ACSBG1: variants seen among roughly 807,000 people sequenced by gnomAD.
ACSBG1 encodes acyl-CoA synthetase bubblegum family member 1.
ACSBG1 carries 39 observed loss-of-function variants against 80.2 expected under a neutral mutation model. That is an observed-to-expected ratio of 0.49 (90% confidence interval 0.38 to 0.64). The LOEUF (loss-of-function observed/expected upper bound fraction) is 0.64, where lower values mean the gene tolerates loss of function less well. ACSBG1 is among the 30% of genes least tolerant of loss of function. The pLI, the probability that ACSBG1 is intolerant of heterozygous loss-of-function variation, is 0.00. For synonymous variants in ACSBG1, 392 were observed against 379.5 expected, an observed-to-expected ratio of 1.03 and a Z score of -0.38; for missense variants, 828 against 966.4, an observed-to-expected ratio of 0.86 and a Z score of 1.90.
intron 1 of ACSBG1, among the ~76,000 whole-genome samples, chr15:78,211,664 G>T (rs1442980286): frequency 1.3e-5 from 2 of 152,168 alleles, no homozygotes; most frequent in African/African-American, 2.4e-5. Flanking sequence ...AAGATGTGTG[G>T]GGGGCAGAGG....
intron 5 of ACSBG1, among the ~76,000 whole-genome samples, chr15:78,185,074 AG>A (rs2074987683): frequency 6.7e-6 from 1 of 148,430 alleles, no homozygotes; most frequent in African/African-American, 2.5e-5. Flanking sequence ...AGAGAGAGAG[AG>A]AGAGAGGAAT....
At chr15:78,186,922 G>T (rs1055720431) in intron 5 of ACSBG1, among the ~76,000 whole-genome samples, 1 of 151,954 alleles carries the variant, frequency 6.6e-6, no homozygotes, top group Non-Finnish European at 1.5e-5. Context: ...TTGATAGACC[G>T]CTAGCAAGAC....
intron 2 of ACSBG1, among the ~76,000 whole-genome samples, chr15:78,201,058 T>C (rs950448526): frequency 1.3e-5 from 2 of 152,166 alleles, no homozygotes; most frequent in African/African-American, 4.8e-5. Context: ...GCCCACACTT[T>C]ACCGCTCTTC....
intron 3 of ACSBG1, 97 bp from the exon 4 acceptor site, chr15:78,194,117 G>T: frequency 1.7e-6 from 2 of 1,204,646 alleles, no homozygotes; most frequent in Non-Finnish European, 2.4e-6. Flanking sequence ...GGGACCTGCA[G>T]GCTCCACCCT....
intron 5 of ACSBG1, 133 bp downstream of exon 5, chr15:78,193,373 G>T: frequency 7.6e-7 from 1 of 1,311,904 alleles, no homozygotes; most frequent in Non-Finnish European, 1.0e-6. Flanking sequence ...TGCTTGCTGT[G>T]TATGCATTAG....
intron 1 of ACSBG1, chr15:78,209,165 C>T (rs1365502406): frequency 6.6e-6 from 3 of 456,110 alleles, no homozygotes; most frequent in Admixed American, 2.3e-5. Context: ...CATTCAGCCT[C>T]ACTCCTTGTC....
At chr15:78,185,148 G>A (rs964612536) in intron 5 of ACSBG1, among the ~76,000 whole-genome samples, 8 of 152,154 alleles carry the variant, frequency 5.3e-5, no homozygotes, top group African/African-American at 1.7e-4. Flanking sequence ...AAGCTGAGGC[G>A]GCTAGAATTT....
At chr15:78,219,710 C>T (rs538485996) in intron 1 of ACSBG1, among the ~76,000 whole-genome samples, 43 of 152,258 alleles carry the variant, frequency 2.8e-4, no homozygotes, top group Non-Finnish European at 1.0e-4. Context: ...CCTGGCCGGG[C>T]GCGGTGGCTA....
intron 5 of ACSBG1, among the ~76,000 whole-genome samples, chr15:78,189,423 A>C (rs2141341962): frequency 6.6e-6 from 1 of 151,852 alleles, no homozygotes; most frequent in African/African-American, 2.4e-5. Context: ...AACCAACCCA[A>C]ATGTCCAACA....
chr15:78,189,295 A>G (rs1159794572), intron 5 of ACSBG1, among the ~76,000 whole-genome samples: 1 of 150,914 alleles, frequency 6.6e-6, no homozygotes, highest in Non-Finnish European at 1.5e-5. Flanking sequence ...TAGAAATACC[A>G]TTTGACCCAG....
intron 5 of ACSBG1, among the ~76,000 whole-genome samples, chr15:78,184,636 T>C (rs1384815729): frequency 1.3e-5 from 2 of 152,166 alleles, no homozygotes; most frequent in Admixed American, 6.5e-5. Flanking sequence ...ATATAACATT[T>C]GAAAAGTTAT....
intron 2 of ACSBG1, among the ~76,000 whole-genome samples, chr15:78,200,522 A>T (rs2075157709): frequency 6.6e-6 from 1 of 152,126 alleles, no homozygotes; most frequent in Admixed American, 6.5e-5. Context: ...GCGCCATGCC[A>T]TTCTTTGCCC....
intron 1 of ACSBG1, among the ~76,000 whole-genome samples, chr15:78,219,509 T>C (rs2075342410): frequency 6.6e-6 from 1 of 151,530 alleles, no homozygotes; most frequent in Non-Finnish European, 1.5e-5. Context: ...GCACAAAACA[T>C]TATTGAATGA....
chr15:78,193,066 C>A (rs1449930651), intron 5 of ACSBG1, among the ~76,000 whole-genome samples: 2 of 152,114 alleles, frequency 1.3e-5, no homozygotes, highest in African/African-American at 4.8e-5. Flanking sequence ...TTGGCTCAAC[C>A]CCCACCCTGT....
At chr15:78,223,047 T>C (rs1009324805) in intron 1 of ACSBG1, among the ~76,000 whole-genome samples, 2 of 152,156 alleles carry the variant, frequency 1.3e-5, no homozygotes, top group African/African-American at 4.8e-5. Flanking sequence ...AGGACTGCCT[T>C]CTAACTAACA....
At chr15:78,200,936 T>C (rs1105401) in intron 2 of ACSBG1, among the ~76,000 whole-genome samples, 107,494 of 152,136 alleles carry the variant, frequency 0.71, 38,160 homozygotes, top group Admixed American at 0.79. Context: ...AGCCTCAACA[T>C]ACACCTTTCC....
chr15:78,184,229 T>C (rs1567082578), intron 5 of ACSBG1, among the ~76,000 whole-genome samples: 1 of 152,196 alleles, frequency 6.6e-6, no homozygotes, highest in African/African-American at 2.4e-5. Flanking sequence ...GTTCTTGCTC[T>C]ATGGTATGAT....
intron 1 of ACSBG1, among the ~76,000 whole-genome samples, chr15:78,230,415 C>T (rs753768651): frequency 9.2e-5 from 14 of 152,242 alleles, no homozygotes; most frequent in Admixed American, 4.6e-4. Flanking sequence ...GTCTTCCCCT[C>T]TGCAACACTG....
At chr15:78,213,374 C>G (rs2075282843) in intron 1 of ACSBG1, 1 of 152,412 alleles carries the variant, frequency 6.6e-6, no homozygotes, top group Non-Finnish European at 1.5e-5. Context: ...CCTGAAGACC[C>G]CCATAGAGGA....
Sources: allele counts gnomAD v4.1 joint callset (sites outside exome capture counted in the v4.1 genomes callset), GRCh38; gene constraint gnomAD v4.1.1; transcripts MANE v1.5; gene names NCBI Gene and HGNC (gene_info 2026-07-23, HGNC 2026-07-21).